Variants in SNX29 observed in about 807,000 individuals in gnomAD.
The protein encoded by SNX29 is sorting nexin-29.
Under a neutral mutation model 102.1 loss-of-function variants are expected in SNX29, and 78 were observed. The ratio of observed to expected loss-of-function variants is 0.76; its 90% CI spans 0.64 to 0.92. SNX29 has a LOEUF of 0.92. Among genes scored for constraint, SNX29 ranks in the 40% least tolerant of loss-of-function variants. The probability of loss-of-function intolerance (pLI) is 0.00; values close to 1 mark genes in which losing one functional copy is unlikely to be tolerated. For missense variants in SNX29, 1,280 were observed against 1,061.7 expected (o/e 1.21, Z -2.86); for synonymous variants, 580 against 414.5 (o/e 1.40, Z -4.85).
chr16:12,464,863 C>T (rs2086980138), intron 18 of SNX29, among the ~76,000 whole-genome samples: 1 of 152,146 alleles, frequency 6.6e-6, no homozygotes, highest in African/African-American at 2.4e-5. Flanking sequence ...ATTTACTTTC[C>T]TGCCAATAGC....
chr16:12,219,941 TGCACGTGCACGCACACAC>T (rs1471312346), intron 14 of SNX29, among the ~76,000 whole-genome samples: 1 of 151,706 alleles, frequency 6.6e-6, no homozygotes, highest in African/African-American at 2.4e-5. Context: ...TACACACACG[TGCACGTGCACGCACACAC>T]ACCCCACCGG....
rs149892646 is a variant in SNX29, at chr16:12,379,697, C to A, written c.1900-18749C>A. Among the ~76,000 whole-genome samples, 712 of 152,302 alleles carry A rather than the reference C, an allele frequency of 4.7e-3. 7 individuals carry two copies. The highest frequency in any genetic ancestry group is 0.035 in the South Asian group (167 of 4,832). On this transcript the variant is annotated intron_variant, in intron 16 of 20. Coordinates refer to ENST00000566228, the MANE Select transcript of SNX29 (RefSeq NM_032167.5). ...AACTTTGTTGTTTATTGCTTATTGA[C>A]AGAAGAGATGAGAAATGAGGCTGAT...
At chr16:12,307,346 G>A (rs1255953029) in intron 15 of SNX29, among the ~76,000 whole-genome samples, 2 of 152,158 alleles carry the variant, frequency 1.3e-5, no homozygotes, top group Non-Finnish European at 2.9e-5. Flanking sequence ...GGTTGTTAAG[G>A]CCACAGAGAG....
chr16:12,544,226 C>G (rs1202252463), intron 20 of SNX29, among the ~76,000 whole-genome samples: 4 of 152,320 alleles, frequency 2.6e-5, no homozygotes, highest in East Asian at 3.9e-4. Flanking sequence ...CGGTTCCTCA[C>G]CACACCAAGA....
intron 13 of SNX29, among the ~76,000 whole-genome samples, chr16:12,146,414 CA>C (rs1198909784): frequency 3.3e-5 from 5 of 152,132 alleles, no homozygotes; most frequent in Non-Finnish European, 7.4e-5. Flanking sequence ...TATAGGCACG[CA>C]CCATCATGCC....
intron 13 of SNX29, among the ~76,000 whole-genome samples, chr16:12,160,471 T>G (rs183807366): frequency 6.6e-6 from 1 of 152,322 alleles, no homozygotes; most frequent in East Asian, 1.9e-4. Context: ...CTTGGTGTTA[T>G]TATATCATTC....
At position 12,002,980 on chromosome 16, in the gene SNX29, T is replaced by C. The variant is rs374472273; in HGVS notation, c.70-11T>C. 2 of 1,614,088 alleles carry C rather than the reference T, an allele frequency of 1.2e-6. No homozygotes were observed. The highest frequency in any genetic ancestry group is 1.7e-6 in the Non-Finnish European group (2 of 1,180,042). On this transcript the variant is annotated splice_polypyrimidine_tract_variant and intron_variant, in intron 2 of 20. Transcript: ENST00000566228. ...CAACAGCTGATCTCAGCAGCTTCTT[T>C]TTCTGTGCAGTGCCAGATCCGCTTT... is the stretch of plus-strand genomic sequence containing the variant.
intron 15 of SNX29, among the ~76,000 whole-genome samples, chr16:12,314,053 A>C (rs907808297): frequency 1.1e-4 from 17 of 152,254 alleles, no homozygotes; most frequent in African/African-American, 4.1e-4. Flanking sequence ...TCGTGCACTC[A>C]CAGCTCACTG....
At chr16:12,238,203 G>A (rs1340268281) in intron 14 of SNX29, among the ~76,000 whole-genome samples, 1 of 151,182 alleles carries the variant, frequency 6.6e-6, no homozygotes, top group African/African-American at 2.4e-5. Context: ...TGTAACAGTT[G>A]TAAAAAAAAA....
chr16:12,075,994 C>T (rs350241), intron 10 of SNX29, among the ~76,000 whole-genome samples: 128,731 of 152,238 alleles, frequency 0.85, 54,843 homozygotes, highest in African/African-American at 0.94. Flanking sequence ...AATCTCCTCA[C>T]GCGCTGTTTC....
intron 11 of SNX29, among the ~76,000 whole-genome samples, chr16:12,112,925 G>A (rs556771766): frequency 1.3e-5 from 2 of 152,252 alleles, no homozygotes; most frequent in South Asian, 4.2e-4. Context: ...CTCTGCACTG[G>A]ATTCATTGGA....
chr16:12,559,136 G>C (rs1048273439), intron 20 of SNX29, among the ~76,000 whole-genome samples: 1 of 152,098 alleles, frequency 6.6e-6, no homozygotes, highest in Non-Finnish European at 1.5e-5. Flanking sequence ...TCCCTCTTCT[G>C]GTCCCCAACC....
intron 11 of SNX29, among the ~76,000 whole-genome samples, chr16:12,110,900 T>G (rs2053476959): frequency 6.6e-6 from 1 of 152,074 alleles, no homozygotes; most frequent in Non-Finnish European, 1.5e-5. Context: ...CATAGCCCAC[T>G]GTAGCCTCAA....
chr16:12,473,285 T>C (rs1435638587), intron 18 of SNX29, among the ~76,000 whole-genome samples: 1 of 151,994 alleles, frequency 6.6e-6, no homozygotes, highest in African/African-American at 2.4e-5. Context: ...TTGGGTAATT[T>C]TGAGTAATTT....
intron 18 of SNX29, among the ~76,000 whole-genome samples, chr16:12,460,210 G>A (rs560384736): frequency 3.9e-5 from 6 of 152,298 alleles, no homozygotes; most frequent in Middle Eastern, 3.4e-3. Flanking sequence ...ACCACGGCTC[G>A]CAGCCAGACG....
intron 1 of SNX29, among the ~76,000 whole-genome samples, chr16:11,990,248 A>G (rs570005959): frequency 1.3e-5 from 2 of 152,180 alleles, no homozygotes; most frequent in African/African-American, 4.8e-5. Context: ...GTGCCAACTA[A>G]CTGACATAAA....
chr16:12,053,306 G>C (rs1468549790), intron 8 of SNX29: 1 of 114,960 alleles, frequency 8.7e-6, no homozygotes, highest in Non-Finnish European at 1.8e-5. Context: ...AAAAAAAAAA[G>C]TCCCCCAAAT....
intron 18 of SNX29, among the ~76,000 whole-genome samples, chr16:12,435,558 A>C (rs577255394): frequency 6.6e-6 from 1 of 152,216 alleles, no homozygotes; most frequent in East Asian, 1.9e-4. Flanking sequence ...CTCTTGGGAC[A>C]TAGCTGTTTC....
chr16:12,448,707 C>T (rs1190400181), intron 18 of SNX29, among the ~76,000 whole-genome samples: 1 of 152,156 alleles, frequency 6.6e-6, no homozygotes, highest in Non-Finnish European at 1.5e-5. Flanking sequence ...GGAGTGGCTG[C>T]CCAGTGCTCA....
Sources: allele counts gnomAD v4.1 joint callset (sites outside exome capture counted in the v4.1 genomes callset), GRCh38; gene constraint gnomAD v4.1.1; transcripts MANE v1.5; gene names NCBI Gene and HGNC (gene_info 2026-07-23, HGNC 2026-07-21).